Variants in NFIA observed in about 807,000 individuals in gnomAD.
The protein encoded by NFIA is nuclear factor I A, also known as nuclear factor 1 A-type.
In NFIA, 8 loss-of-function variants were observed where a neutral mutation model predicts 62.8. The ratio of observed to expected loss-of-function variants is 0.13; its 90% CI spans 0.07 to 0.23. The LOEUF (loss-of-function observed/expected upper bound fraction) is 0.23, where lower values mean the gene tolerates loss of function less well. Ranked by LOEUF, NFIA falls within the 10% of genes least tolerant of loss-of-function variation. The probability of loss-of-function intolerance (pLI) is 1.00; values close to 1 mark genes in which losing one functional copy is unlikely to be tolerated. For missense variants in NFIA, 410 were observed against 642.1 expected, an observed-to-expected ratio of 0.64 and a Z score of 3.91; for synonymous variants, 235 against 238.1, an observed-to-expected ratio of 0.99 and a Z score of 0.12.
intron 4 of NFIA, among the ~76,000 whole-genome samples, chr1:61,343,885 AG>A (rs1310630037): frequency 6.6e-6 from 1 of 152,218 alleles, no homozygotes; most frequent in African/African-American, 2.4e-5. Context: ...TGCTATCTGC[AG>A]GGTGTCTGAA....
intron 2 of NFIA, among the ~76,000 whole-genome samples, chr1:61,198,102 A>C (rs1249920042): frequency 1.3e-5 from 2 of 152,148 alleles, no homozygotes; most frequent in East Asian, 3.9e-4. Context: ...CGGATGAAAA[A>C]GCCACAAGGC....
At chr1:61,352,985 C>A (rs80344755) in intron 5 of NFIA, among the ~76,000 whole-genome samples, 47 of 152,022 alleles carry the variant, frequency 3.1e-4, no homozygotes, top group African/African-American at 1.1e-3. Flanking sequence ...ATGAACATAA[C>A]ATGTTCTCAG....
chr1:61,383,736 A>G (rs1272508068), intron 7 of NFIA, among the ~76,000 whole-genome samples: 2 of 152,206 alleles, frequency 1.3e-5, no homozygotes, highest in African/African-American at 4.8e-5. Context: ...ACATGCATGC[A>G]TTGGGTGAGT....
intron 2 of NFIA, among the ~76,000 whole-genome samples, chr1:61,123,169 C>T (rs1390970394): frequency 6.6e-6 from 1 of 152,154 alleles, no homozygotes; most frequent in South Asian, 2.1e-4. Flanking sequence ...TCCCTTAAAT[C>T]ATTTTTCTAA....
chr1:61,449,681 G>GC (rs34749335), intron 10 of NFIA, among the ~76,000 whole-genome samples: 117,648 of 152,114 alleles, frequency 0.77, 45,915 homozygotes, highest in African/African-American at 0.86. Flanking sequence ...CCACAAAGGT[G>GC]CCGGGGCCAA....
At chr1:61,118,659 AGTGTGTGTGTGTGTGTGTGTGTGTGT>A (rs5774536) in intron 2 of NFIA, among the ~76,000 whole-genome samples, 3 of 145,296 alleles carry the variant, frequency 2.1e-5, no homozygotes, top group Non-Finnish European at 4.5e-5. Context: ...GGTCGGGATG[AGTGTGTGTGTGTGTGTGTGTGTGTGT>A]GTGTGTGTGT....
chr1:61,169,448 TC>T (rs1268625487), intron 2 of NFIA, among the ~76,000 whole-genome samples: 1 of 152,224 alleles, frequency 6.6e-6, no homozygotes, highest in African/African-American at 2.4e-5. Context: ...TGTCATTCAA[TC>T]TGCATTTAAA....
At chr1:61,269,397 T>A (rs559795668) in intron 2 of NFIA, among the ~76,000 whole-genome samples, 2 of 152,364 alleles carry the variant, frequency 1.3e-5, no homozygotes, top group African/African-American at 4.8e-5. Flanking sequence ...CAGTCTAATT[T>A]GCTTGATGCA....
At chr1:61,195,791 A>G (rs1188561630) in intron 2 of NFIA, among the ~76,000 whole-genome samples, 1 of 152,174 alleles carries the variant, frequency 6.6e-6, no homozygotes, top group Non-Finnish European at 1.5e-5. Flanking sequence ...GCTACTTTTT[A>G]ATAATGTCAT....
intron 2 of NFIA, among the ~76,000 whole-genome samples, chr1:61,164,807 T>A (rs906878030): frequency 2.2e-4 from 34 of 152,272 alleles, no homozygotes; most frequent in African/African-American, 7.9e-4. Context: ...GGTGAAGAAG[T>A]GGGAAATCAT....
At chr1:61,333,047 G>A (rs370380357) in intron 4 of NFIA, among the ~76,000 whole-genome samples, 3 of 144,780 alleles carry the variant, frequency 2.1e-5, no homozygotes, top group Non-Finnish European at 3.0e-5. Flanking sequence ...TAGCATGCAC[G>A]CACACACACA....
upstream of NFIA, among the ~76,000 whole-genome samples, chr1:61,078,419 T>C (rs1217381842): frequency 6.6e-6 from 1 of 152,226 alleles, no homozygotes; most frequent in Non-Finnish European, 1.5e-5. Context: ...TGGTAACTTG[T>C]GGAATGTGAA....
At chr1:61,176,237 G>A (rs1257232950) in intron 2 of NFIA, among the ~76,000 whole-genome samples, 1 of 152,180 alleles carries the variant, frequency 6.6e-6, no homozygotes, top group East Asian at 1.9e-4. Flanking sequence ...TCCTAGCAGG[G>A]CCATACTTAT....
At chr1:61,143,778 C>T (rs1647719060) in intron 2 of NFIA, among the ~76,000 whole-genome samples, 1 of 152,156 alleles carries the variant, frequency 6.6e-6, no homozygotes, top group African/African-American at 2.4e-5. Context: ...CTATATTCAG[C>T]AAGTGCAGGG....
At chr1:61,274,595 G>A (rs951930009) in intron 2 of NFIA, among the ~76,000 whole-genome samples, 2 of 152,164 alleles carry the variant, frequency 1.3e-5, no homozygotes, top group Non-Finnish European at 2.9e-5. Context: ...ATTTAAGGTG[G>A]TAGAAATCAA....
In NFIA at chr1:61,083,372, C is replaced by T. The variant is rs541791670; in HGVS notation, c.27+554C>T. Among the ~76,000 whole-genome samples, 15 of 152,232 alleles carry T rather than the reference C, an allele frequency of 9.9e-5. No individual in the cohort carries two copies. In the South Asian group the frequency reaches 1.2e-3, roughly 13 times the overall value. ...GCCCGCTCCCCGCAGCCTGCGCTGC[C>T]GCAGCCCCCCGCCGTCTTCCCGAAC... On this transcript the variant is annotated intron_variant, in intron 1 of 10. Coordinates refer to ENST00000403491, the MANE Select transcript of NFIA (RefSeq NM_001134673.4).
intron 2 of NFIA, among the ~76,000 whole-genome samples, chr1:61,123,064 C>T (rs969998201): frequency 2.0e-5 from 3 of 152,202 alleles, no homozygotes; most frequent in African/African-American, 7.2e-5. Context: ...TGATGATAAT[C>T]TACTTAAATG....
intron 10 of NFIA, among the ~76,000 whole-genome samples, chr1:61,430,648 G>C (rs2100559760): frequency 1.3e-5 from 1 of 75,218 alleles, no homozygotes; most frequent in East Asian, 1.5e-3. Flanking sequence ...TCTTTCCCTT[G>C]TAGTCTGTTT....
At chr1:61,403,564 G>A (rs1045536274) in intron 7 of NFIA, among the ~76,000 whole-genome samples, 5 of 152,098 alleles carry the variant, frequency 3.3e-5, no homozygotes, top group African/African-American at 1.2e-4. Flanking sequence ...TGTAAAGTGA[G>A]GCACCCAAAT....
Sources: gnomAD v4.1 joint callset for allele counts (sites outside exome capture counted in the v4.1 genomes callset) on GRCh38, gnomAD v4.1.1 for gene constraint, MANE v1.5 for transcripts, NCBI Gene and HGNC (gene_info 2026-07-23, HGNC 2026-07-21) for gene names.